Variants in RBFOX1 observed in about 807,000 individuals in gnomAD.
RBFOX1 encodes RNA binding protein fox-1 homolog 1.
In RBFOX1, 8 loss-of-function variants were observed where a neutral mutation model predicts 57.7. The ratio of observed to expected loss-of-function variants is 0.14; its 90% CI spans 0.08 to 0.25. The LOEUF (loss-of-function observed/expected upper bound fraction) is 0.25, where lower values mean the gene tolerates loss of function less well. Ranked by LOEUF, RBFOX1 falls within the 10% of genes least tolerant of loss-of-function variation. The pLI is 1.00. For missense variants in RBFOX1, 611 were observed against 548.5 expected, an observed-to-expected ratio of 1.11 and a Z score of -1.14; for synonymous variants, 326 against 222.4, an observed-to-expected ratio of 1.47 and a Z score of -4.15.
intron 2 of RBFOX1, among the ~76,000 whole-genome samples, chr16:6,489,807 C>T (rs1008992538): frequency 9.9e-5 from 15 of 152,134 alleles, no homozygotes; most frequent in Middle Eastern, 3.2e-3. Context: ...TCTACCATGA[C>T]CACCTCCAAC....
At chr16:5,877,225 A>C (rs1378396588) in intron 4 of RBFOX1, among the ~76,000 whole-genome samples, 1 of 152,220 alleles carries the variant, frequency 6.6e-6, no homozygotes, top group Non-Finnish European at 1.5e-5. Flanking sequence ...ACTTCTTTGG[A>C]GGGGTCACGC....
intron 2 of RBFOX1, among the ~76,000 whole-genome samples, chr16:6,476,020 T>G (rs530638920): frequency 6.6e-6 from 1 of 152,278 alleles, no homozygotes; most frequent in South Asian, 2.1e-4. Flanking sequence ...CCTTGATGCT[T>G]TTCTTTTTGA....
At chr16:5,575,915 T>C (rs2046437302) in intron 2 of RBFOX1, among the ~76,000 whole-genome samples, 2 of 152,130 alleles carry the variant, frequency 1.3e-5, no homozygotes, top group Admixed American at 1.3e-4. Context: ...CACGCATGTT[T>C]GCACTTAGAA....
intron 4 of RBFOX1, among the ~76,000 whole-genome samples, chr16:5,911,018 C>G (rs528933211): frequency 5.5e-4 from 83 of 152,270 alleles, no homozygotes; most frequent in African/African-American, 1.9e-3. Flanking sequence ...TTTCTCACCT[C>G]TCTTATCTGT....
intron 10 of RBFOX1, among the ~76,000 whole-genome samples, chr16:7,625,010 A>T (rs931168257): frequency 6.6e-6 from 1 of 152,096 alleles, no homozygotes; most frequent in Non-Finnish European, 1.5e-5. Context: ...GAACAGAGAA[A>T]CCTTGTGTGT....
chr16:6,575,184 A>G (rs2097413700), intron 2 of RBFOX1, among the ~76,000 whole-genome samples: 1 of 152,152 alleles, frequency 6.6e-6, no homozygotes, highest in African/African-American at 2.4e-5. Context: ...ACACGGCCTC[A>G]TTTTATGCCT....
intron 3 of RBFOX1, among the ~76,000 whole-genome samples, chr16:6,779,955 T>TTATATATTTA (rs2080286088): frequency 6.3e-5 from 1 of 15,860 alleles, no homozygotes; most frequent in Admixed American, 1.2e-3. Flanking sequence ...ATTTATATAT[T>TTATATATTTA]TATATATTTA....
intron 4 of RBFOX1, among the ~76,000 whole-genome samples, chr16:7,130,348 A>AT (rs1464519799): frequency 6.6e-6 from 1 of 152,036 alleles, no homozygotes; most frequent in Non-Finnish European, 1.5e-5. Context: ...AAGACTGATT[A>AT]TTTTTAAGCC....
In RBFOX1 at chr16:7,610,118, C is replaced by CTTTTTTTTTTTTTTTTTTTTTTTTTTT. The variant is rs34468596; in HGVS notation, c.676+2801_676+2802insTTTTTTTTTTTTTTTTTTTTTTTTTTT. 6.1e-5 allele frequency among the ~76,000 whole-genome samples: 4 copies of CTTTTTTTTTTTTTTTTTTTTTTTTTTT among 65,622 alleles called. 1 individual carries two copies. Among genetic ancestry groups the CTTTTTTTTTTTTTTTTTTTTTTTTTTT allele is most frequent in the Admixed American group, 2.4e-4 (1 of 4,128 alleles). The allele number at this position is 65,622 out of a possible 152,430, so 43.1% of individuals were successfully genotyped here. On this transcript the variant is annotated intron_variant, in intron 10 of 15. Transcript: ENST00000550418. ...GGTGTGAGCCACTGCGCCCGGCCCCCTTTTTTTTTTTTTTTTTTTTTGAGG... is the reference window on the plus strand; with the variant it reads ...GGTGTGAGCCACTGCGCCCGGCCCCCTTTTTTTTTTTTTTTTTTTTTTTTTTTTTTTTTTTTTTTTTTTTTTTTGAGG...
chr16:7,376,061 A>G (rs1436068277), intron 4 of RBFOX1, among the ~76,000 whole-genome samples: 1 of 152,212 alleles, frequency 6.6e-6, no homozygotes, highest in Non-Finnish European at 1.5e-5. Context: ...ATTGTTCTGA[A>G]AAGTACATTG....
At chr16:5,521,527 A>AT (rs2151745321) in intron 2 of RBFOX1, among the ~76,000 whole-genome samples, 1 of 146,026 alleles carries the variant, frequency 6.8e-6, no homozygotes, top group South Asian at 2.2e-4. Context: ...TCTGTAAACT[A>AT]TTGCCTTGGT....
intron 3 of RBFOX1, among the ~76,000 whole-genome samples, chr16:6,757,953 T>G (rs2076059283): frequency 6.6e-6 from 1 of 152,164 alleles, no homozygotes; most frequent in Non-Finnish European, 1.5e-5. Context: ...TTTAAACAAT[T>G]ACAACAACAT....
At chr16:5,963,494 C>G (rs57623472) in intron 4 of RBFOX1, among the ~76,000 whole-genome samples, 4,180 of 152,264 alleles carry the variant, frequency 0.027, 198 homozygotes, top group African/African-American at 0.095. Flanking sequence ...ATCACACTTC[C>G]TGGTTTCAAA....
At chr16:6,341,312 C>A (rs905625008) in intron 2 of RBFOX1, among the ~76,000 whole-genome samples, 4 of 152,100 alleles carry the variant, frequency 2.6e-5, no homozygotes, top group Non-Finnish European at 5.9e-5. Flanking sequence ...CAGGTTGAGT[C>A]TCTTTCACAT....
In RBFOX1 at chr16:5,582,765, G is replaced by C. The variant is rs928563790; in HGVS notation, c.259-16137G>C. Among the ~76,000 whole-genome samples, 4 of 152,028 alleles carry C rather than the reference G, an allele frequency of 2.6e-5. No homozygotes were observed. The East Asian group carries it at 5.8e-4, about 22-fold the overall frequency. On this transcript the variant is annotated intron_variant, in intron 2 of 2. Transcript: ENST00000585867. ...CAACCTCTGCCTCCTGCCCTGCCTC[G>C]GATGACCCTGGGAAGTTCATTGAGG...
chr16:7,557,643 G>A (rs371872683), intron 5 of RBFOX1, among the ~76,000 whole-genome samples: 2,181 of 71,836 alleles, frequency 0.03, 51 homozygotes, highest in Middle Eastern at 0.052. Context: ...AAAAAAAAAA[G>A]AAAAAGAAAA....
chr16:6,130,672 G>C (rs1440268161), intron 1 of RBFOX1, among the ~76,000 whole-genome samples: 1 of 152,112 alleles, frequency 6.6e-6, no homozygotes, highest in East Asian at 1.9e-4. Flanking sequence ...TTGAGTAAAA[G>C]AGTGGAAAAC....
At chr16:7,529,219 C>T (rs758153673) in intron 5 of RBFOX1, among the ~76,000 whole-genome samples, 99 of 152,274 alleles carry the variant, frequency 6.5e-4, no homozygotes, top group Admixed American at 2.9e-3. Flanking sequence ...TGAGATCATG[C>T]CACCACACTC....
chr16:5,726,844 C>T (rs896416655), intron 3 of RBFOX1, among the ~76,000 whole-genome samples: 3 of 152,172 alleles, frequency 2.0e-5, no homozygotes, highest in East Asian at 3.9e-4. Context: ...CTTGGTGTCT[C>T]AGCTACAATC....
Sources: allele counts gnomAD v4.1 joint callset (sites outside exome capture counted in the v4.1 genomes callset), GRCh38; gene constraint gnomAD v4.1.1; transcripts MANE v1.5; gene names NCBI Gene and HGNC (gene_info 2026-07-23, HGNC 2026-07-21).